Variants in RNLS observed in about 807,000 individuals in gnomAD.
RNLS encodes renalase, FAD dependent amine oxidase.
Under a neutral mutation model 39.8 loss-of-function variants are expected in RNLS, and 39 were observed. That is an observed-to-expected ratio of 0.98 (90% confidence interval 0.76 to 1.28). The LOEUF (loss-of-function observed/expected upper bound fraction) is 1.28, where lower values mean the gene tolerates loss of function less well. Among genes scored for constraint, RNLS ranks in the 50% most tolerant of loss-of-function variants. The pLI, the probability that RNLS is intolerant of heterozygous loss-of-function variation, is 0.00. For missense variants in RNLS, 410 were observed against 413.3 expected (o/e 0.99, Z 0.07); for synonymous variants, 147 against 150.7 (o/e 0.98, Z 0.18).
rs373821224 is a variant in RNLS, at chr10:88,475,928, G to C, written c.526+96975C>G. On this transcript the variant is annotated intron_variant, in intron 4 of 6. Coordinates refer to ENST00000331772, the MANE Select transcript of RNLS (RefSeq NM_001031709.3). ...AAGCTGCATAGGAAGCAACTGAAAA[G>C]TTAAAAATAGCAGAAAAATACTAAC... 1.3e-3 allele frequency among the ~76,000 whole-genome samples: 197 copies of C among 152,248 alleles called. 2 individuals are homozygous for C. In the South Asian group the frequency reaches 0.04, roughly 31 times the overall value.
chr10:88,244,356 G>A, the RNLS span, among the ~76,000 whole-genome samples: 5 of 152,284 alleles, frequency 3.3e-5, no homozygotes, highest in African/African-American at 7.2e-5. Flanking sequence ...GGCACCGGGG[G>A]GCTTATTAGG....
chr10:88,454,791 G>A (rs1589822049), intron 4 of RNLS, among the ~76,000 whole-genome samples: 1 of 152,114 alleles, frequency 6.6e-6, no homozygotes, highest in South Asian at 2.1e-4. Flanking sequence ...TAAACGTAGG[G>A]GTGTATGGAG....
At chr10:88,465,371 G>C (rs1843145240) in intron 4 of RNLS, among the ~76,000 whole-genome samples, 1 of 152,040 alleles carries the variant, frequency 6.6e-6, no homozygotes, top group South Asian at 2.1e-4. Context: ...TAGTGTCCTA[G>C]CACTAGGGTT....
chr10:88,310,979 A>G (rs1042518794), intron 6 of RNLS, among the ~76,000 whole-genome samples: 1 of 152,082 alleles, frequency 6.6e-6, no homozygotes, highest in Non-Finnish European at 1.5e-5. Context: ...AAGATATTGA[A>G]TATCAATGTA....
At chr10:88,383,113 C>T (rs7097606) in intron 4 of RNLS, among the ~76,000 whole-genome samples, 16,061 of 152,022 alleles carry the variant, frequency 0.11, 1,052 homozygotes, top group East Asian at 0.37. Context: ...TATTCATTTA[C>T]TTTTGCGGAC....
the RNLS span, among the ~76,000 whole-genome samples, chr10:88,172,895 C>A: frequency 9.3e-6 from 1 of 107,380 alleles, no homozygotes; most frequent in African/African-American, 3.7e-5. Context: ...CTCGCTCTGT[C>A]GCCCAGGCTG....
chr10:88,462,169 A>G (rs1842962125), intron 4 of RNLS, among the ~76,000 whole-genome samples: 2 of 152,040 alleles, frequency 1.3e-5, no homozygotes, highest in Admixed American at 1.3e-4. Flanking sequence ...TGACCAGACA[A>G]TAGGTATATA....
chr10:88,437,754 C>A (rs1841490820), intron 4 of RNLS, among the ~76,000 whole-genome samples: 1 of 152,140 alleles, frequency 6.6e-6, no homozygotes. Context: ...TGAATGCCCC[C>A]AAGGTCCAAT....
At chr10:88,495,874 T>C (rs568407500) in intron 4 of RNLS, among the ~76,000 whole-genome samples, 2 of 152,192 alleles carry the variant, frequency 1.3e-5, no homozygotes, top group South Asian at 4.2e-4. Context: ...AGGATTTTGG[T>C]GAGTGTCAGG....
intron 4 of RNLS, among the ~76,000 whole-genome samples, chr10:88,462,603 G>A (rs1564819156): frequency 6.6e-6 from 1 of 151,862 alleles, no homozygotes; most frequent in Non-Finnish European, 1.5e-5. Context: ...GTCTAATGGA[G>A]GAGTCAGGCA....
intron 4 of RNLS, among the ~76,000 whole-genome samples, chr10:88,483,445 C>T (rs941225367): frequency 5.3e-5 from 8 of 151,966 alleles, no homozygotes; most frequent in South Asian, 4.1e-4. Context: ...TTCCTAAGCC[C>T]GATAAATTTC....
At chr10:88,523,593 G>C (rs1846891892) in intron 4 of RNLS, among the ~76,000 whole-genome samples, 1 of 152,030 alleles carries the variant, frequency 6.6e-6, no homozygotes, top group South Asian at 2.1e-4. Context: ...AAATTACAAA[G>C]AACAAAACAA....
chr10:88,499,245 A>G (rs1486336933), intron 4 of RNLS, among the ~76,000 whole-genome samples: 1 of 152,080 alleles, frequency 6.6e-6, no homozygotes, highest in African/African-American at 2.4e-5. Flanking sequence ...TTCCTTACTT[A>G]GGTAGGCATG....
At chr10:88,247,685 G>C in the RNLS span, among the ~76,000 whole-genome samples, 1 of 152,216 alleles carries the variant, frequency 6.6e-6, no homozygotes, top group Non-Finnish European at 1.5e-5. Context: ...TGGAACCTGA[G>C]AGCCTGTTAT....
At chr10:88,253,256 A>G in the RNLS span, among the ~76,000 whole-genome samples, 4 of 152,174 alleles carry the variant, frequency 2.6e-5, no homozygotes, top group Admixed American at 2.0e-4. Context: ...AGCTCTCACA[A>G]TGCTCACAAA....
the RNLS span, among the ~76,000 whole-genome samples, chr10:88,248,759 T>C: frequency 0.038 from 5,783 of 152,198 alleles, 291 homozygotes; most frequent in African/African-American, 0.12. Flanking sequence ...CATGAAGCTA[T>C]TGTGGCCCAG....
chr10:88,537,236 C>T (rs935310988), intron 4 of RNLS, among the ~76,000 whole-genome samples: 2 of 152,194 alleles, frequency 1.3e-5, no homozygotes, highest in African/African-American at 2.4e-5. Context: ...AAAAAAATTA[C>T]TATCAACTCA....
intron 4 of RNLS, among the ~76,000 whole-genome samples, chr10:88,541,584 A>C (rs1848044314): frequency 6.6e-6 from 1 of 152,202 alleles, no homozygotes. Flanking sequence ...ATTAGTCTTG[A>C]GAACACATTG....
chr10:88,487,690 A>G (rs1844616411), intron 4 of RNLS, among the ~76,000 whole-genome samples: 1 of 152,198 alleles, frequency 6.6e-6, no homozygotes, highest in East Asian at 1.9e-4. Flanking sequence ...TAAAAGTTTA[A>G]GCATATATTT....
Sources: gnomAD v4.1 joint callset for allele counts (sites outside exome capture counted in the v4.1 genomes callset) on GRCh38, gnomAD v4.1.1 for gene constraint, MANE v1.5 for transcripts, NCBI Gene and HGNC (gene_info 2026-07-23, HGNC 2026-07-21) for gene names.